Variants in DIP2A observed in about 807,000 individuals in gnomAD.
DIP2A encodes DIP2 acetate--CoA ligase A, also known as disco-interacting protein 2 homolog A.
DIP2A carries 85 observed loss-of-function variants against 177.4 expected under a neutral mutation model. The ratio of observed to expected loss-of-function variants is 0.48; its 90% CI spans 0.40 to 0.57. DIP2A has a LOEUF of 0.57. Ranked by LOEUF, DIP2A falls within the 20% of genes least tolerant of loss-of-function variation. DIP2A has a pLI of 0.00. For missense variants in DIP2A, 1,791 were observed against 2,100.2 expected (o/e 0.85, Z 2.88); for synonymous variants, 886 against 881.8 (o/e 1.00, Z -0.08).
intron 33 of DIP2A, chr21:46,561,449 G>T (rs925477526): frequency 1.4e-5 from 6 of 441,936 alleles, no homozygotes; most frequent in African/African-American, 4.0e-5. Flanking sequence ...GTAAACACTA[G>T]GTTTAGCTTA....
At position 46,547,656 on chromosome 21, in the gene DIP2A, C is replaced by CTTT. The variant is rs10672432; in HGVS notation, c.2522+638_2522+640dup. 5.4e-3 allele frequency among the ~76,000 whole-genome samples: 409 copies of CTTT among 76,392 alleles called. 41 individuals are homozygous for CTTT. The highest frequency in any genetic ancestry group is 0.031 in the East Asian group (60 of 1,932). 50.1% of individuals were successfully genotyped at this position (76,392 alleles called of 152,430 possible). ...AATTTTATTTTTCTCAAGGGGGTGC[C>CTTT]TTTTTTTTTTTTTTTTTTTTTTTTT... On this transcript the variant is annotated intron_variant, in intron 21 of 37. Coordinates refer to ENST00000417564, the MANE Select transcript of DIP2A (RefSeq NM_015151.4).
At chr21:46,497,753 G>T (rs1215281482) in intron 4 of DIP2A, among the ~76,000 whole-genome samples, 1 of 151,990 alleles carries the variant, frequency 6.6e-6, no homozygotes, top group Non-Finnish European at 1.5e-5. Flanking sequence ...TGAGGTATTT[G>T]GAGATACTAC....
At chr21:46,532,564 T>C (rs913659425) in intron 10 of DIP2A, among the ~76,000 whole-genome samples, 2 of 152,236 alleles carry the variant, frequency 1.3e-5, no homozygotes, top group Non-Finnish European at 2.9e-5. Flanking sequence ...AATAGAATTA[T>C]GATTCAATAA....
chr21:46,463,450 A>T (rs2054497333), intron 1 of DIP2A, among the ~76,000 whole-genome samples: 1 of 152,198 alleles, frequency 6.6e-6, no homozygotes, highest in South Asian at 2.1e-4. Context: ...TTCCTACACA[A>T]TAGGCTACCT....
chr21:46,468,197 C>T (rs1041817897), intron 1 of DIP2A, among the ~76,000 whole-genome samples: 5 of 139,866 alleles, frequency 3.6e-5, no homozygotes, highest in East Asian at 2.3e-4. Flanking sequence ...ACCCAGGAGC[C>T]GGAGGCTGCA....
chr21:46,579,820 G>C, the DIP2A span, among the ~76,000 whole-genome samples: 3 of 152,126 alleles, frequency 2.0e-5, no homozygotes, highest in Non-Finnish European at 4.4e-5. Context: ...CTGAAAGACT[G>C]TTATAATTTC....
At chr21:46,528,384 A>G (rs1405055044) in intron 8 of DIP2A, among the ~76,000 whole-genome samples, 1 of 152,090 alleles carries the variant, frequency 6.6e-6, no homozygotes, top group East Asian at 1.9e-4. Context: ...ACAATGCAAT[A>G]TTAATTTAAA....
chr21:46,459,423 C>G (rs1276416850), intron 1 of DIP2A, among the ~76,000 whole-genome samples: 22 of 150,762 alleles, frequency 1.5e-4, no homozygotes, highest in Non-Finnish European at 2.4e-4. Flanking sequence ...CGCCCCTCGC[C>G]CCGGAGACAC....
chr21:46,544,894 A>G lies in DIP2A; in HGVS notation c.2177-243A>G, dbSNP rs530325108. ...AATATTTTGTCAGCCGGGGCTTATTACATGAAGGATGTGTTGTACTTTCTG... is the reference window on the plus strand; with the variant it reads ...AATATTTTGTCAGCCGGGGCTTATTGCATGAAGGATGTGTTGTACTTTCTG... On this transcript the variant is annotated intron_variant, in intron 18 of 37. Coordinates refer to ENST00000417564, the MANE Select transcript of DIP2A (RefSeq NM_015151.4). Among the ~76,000 whole-genome samples, 485 of 152,324 alleles carry G rather than the reference A, an allele frequency of 3.2e-3. 4 individuals carry two copies. Among genetic ancestry groups the G allele is most frequent in the African/African-American group, 0.011 (463 of 41,566 alleles).
Position 46,560,739 on chromosome 21 carries a change from C to T in DIP2A, c.3987C>T (p.Asp1329=), listed in dbSNP as rs748699887. The T allele has an allele frequency of 6.2e-7, 1 of 1,609,394 alleles. No individual in the cohort carries two copies. Among genetic ancestry groups the T allele is most frequent in the Non-Finnish European group, 8.5e-7 (1 of 1,178,070 alleles). ...CCTTCCAGGGCACAGCTGGCCCGGA[C>T]CCCACAACCGTCTACGTGGACATGC... ...AICLQGTAGP[D]PTTVYVDMRA... is the part of the protein sequence containing the mutation. The change falls in exon 33 of 38, where the codon GAC becomes GAT. Residue 1329 remains aspartate, a synonymous_variant. Coordinates refer to ENST00000417564, the MANE Select transcript of DIP2A (RefSeq NM_015151.4).
At position 46,557,385 on chromosome 21, in the gene DIP2A, G is replaced by A. The variant is rs2060505282; in HGVS notation, c.3630-200G>A. The A allele has an allele frequency of 2.9e-6, 2 of 699,468 alleles. No individual in the cohort carries two copies. The highest frequency in any genetic ancestry group is 4.7e-6 in the Non-Finnish European group (2 of 429,980). 43.3% of individuals were successfully genotyped at this position (699,468 alleles called of 1,614,324 possible). ...CCCGGATCCTCTCCAAGTGTTCGGA[G>A]CAGAGCTCAGAACCCCGTGCCTGCC... On this transcript the variant is annotated intron_variant, in intron 30 of 37. Coordinates refer to ENST00000417564, the MANE Select transcript of DIP2A (RefSeq NM_015151.4). This position sits in a 1 kb window ranked among gnomAD's most constrained non-coding sequence, Gnocchi z 6.0.
intron 8 of DIP2A, among the ~76,000 whole-genome samples, chr21:46,514,617 C>CCTT (rs2058468475): frequency 2.8e-5 from 2 of 70,528 alleles, no homozygotes; most frequent in African/African-American, 1.1e-4. Flanking sequence ...AACTTTTATT[C>CCTT]TTTTTTTTTT....
At chr21:46,463,772 G>A (rs924198809) in intron 1 of DIP2A, among the ~76,000 whole-genome samples, 7 of 150,962 alleles carry the variant, frequency 4.6e-5, no homozygotes, top group East Asian at 2.0e-4. Flanking sequence ...TCAGTGGCGC[G>A]ATCTCGGCTC....
chr21:46,532,355 G>C, intron 10 of DIP2A, 118 bp downstream of exon 10: 1 of 802,162 alleles, frequency 1.2e-6, no homozygotes. Context: ...ACAGAGGAGA[G>C]AAAGCTAGTA....
At chr21:46,529,324 G>A (rs946151164) in intron 9 of DIP2A, 141 bp downstream of exon 9, 2 of 608,808 alleles carry the variant, frequency 3.3e-6, no homozygotes, top group South Asian at 2.0e-5. Flanking sequence ...TGAGGACTGG[G>A]TGCGGTGGCT....
chr21:46,556,773 T>C lies in DIP2A; in HGVS notation c.3499-166T>C. Reference sequence around the variant, plus strand: ...AGTGTACCATTTCTTGGGTATTATTTAGGTTATATGGGGATTTGAGCCAAC... The same window carrying C: ...AGTGTACCATTTCTTGGGTATTATTCAGGTTATATGGGGATTTGAGCCAAC... On this transcript the variant is annotated intron_variant, in intron 29 of 37. Coordinates refer to ENST00000417564, the MANE Select transcript of DIP2A (RefSeq NM_015151.4). This position sits in a 1 kb window ranked among gnomAD's most constrained non-coding sequence, Gnocchi z 4.5. 1 of 593,174 alleles carries C rather than the reference T, an allele frequency of 1.7e-6. No individual in the cohort carries two copies. The highest frequency in any genetic ancestry group is 2.8e-6 in the Non-Finnish European group (1 of 352,200). The allele number at this position is 593,174 out of a possible 1,614,324, so 36.7% of individuals were successfully genotyped here.
chr21:46,559,607 C>G (rs1360867679), intron 32 of DIP2A, among the ~76,000 whole-genome samples: 1 of 152,236 alleles, frequency 6.6e-6, no homozygotes, highest in Non-Finnish European at 1.5e-5. Context: ...GTTAGCGGCT[C>G]TGCGTCTGCA....
In DIP2A at chr21:46,537,186, G is replaced by A; in HGVS notation, c.1643-38G>A. 6.2e-7 allele frequency: 1 copy of A among 1,610,532 alleles called. No individual in the cohort carries two copies. ...GAAAATGCATAGGGCTTATTGAGAG[G>A]GTTGCTCAGTGGTGTCACCTTCTTT... On this transcript the variant is annotated intron_variant, in intron 13 of 37. Coordinates refer to ENST00000417564, the MANE Select transcript of DIP2A (RefSeq NM_015151.4). The surrounding 1 kb of genome is among the most constrained non-coding windows in gnomAD (Gnocchi z 4.1).
chr21:46,470,646 C>T (rs1437988038), intron 1 of DIP2A, among the ~76,000 whole-genome samples: 1 of 152,018 alleles, frequency 6.6e-6, no homozygotes, highest in Non-Finnish European at 1.5e-5. Context: ...TGGCGCATGC[C>T]TGTAATCCCA....
Sources: allele counts gnomAD v4.1 joint callset (sites outside exome capture counted in the v4.1 genomes callset), GRCh38; gene constraint gnomAD v4.1.1; non-coding constraint Gnocchi (gnomAD v3.1); transcripts MANE v1.5; gene names NCBI Gene and HGNC (gene_info 2026-07-23, HGNC 2026-07-21).